The following LHX2 variants were observed in gnomAD, a reference collection of about 807,000 sequenced individuals.
LHX2 encodes LIM/homeobox protein Lhx2.
Under a neutral mutation model 33.0 loss-of-function variants are expected in LHX2, and 6 were observed. That is an observed-to-expected ratio of 0.18 (90% CI 0.10 to 0.36). The LOEUF (loss-of-function observed/expected upper bound fraction) is 0.36, where lower values mean the gene tolerates loss of function less well. Ranked by LOEUF, LHX2 falls within the 10% of genes least tolerant of loss-of-function variation. The pLI is 1.00. For synonymous variants in LHX2, 292 were observed against 253.1 expected, an observed-to-expected ratio of 1.15 and a Z score of -1.46; for missense variants, 442 against 586.2, an observed-to-expected ratio of 0.75 and a Z score of 2.54.
chr9:124,018,253 G>A (rs1312989104), intron 3 of LHX2, among the ~76,000 whole-genome samples: 2 of 147,378 alleles, frequency 1.4e-5, no homozygotes, highest in African/African-American at 5.0e-5. Context: ...TAGCTCCATT[G>A]AATCGGCCTA....
rs1016696763 is a variant in LHX2, at chr9:124,012,818, G to T, written c.120+350G>T. On this transcript the variant is annotated intron_variant, in intron 1 of 4. Transcript: ENST00000373615. This position sits in a 1 kb window ranked among gnomAD's most constrained non-coding sequence, Gnocchi z 4.3. ...TCTCCTCCACCTCTCGGCTCCGGTTGCTGGCGGCGCCGCGAGCGGCGCCAG... is the reference window on the plus strand; with the variant it reads ...TCTCCTCCACCTCTCGGCTCCGGTTTCTGGCGGCGCCGCGAGCGGCGCCAG... Among the ~76,000 whole-genome samples, 3 of 152,206 alleles carry T rather than the reference G, an allele frequency of 2.0e-5. No individual in the cohort carries two copies. The highest frequency in any genetic ancestry group is 4.4e-5 in the Non-Finnish European group (3 of 68,018).
chr9:124,013,175 C>A (rs1435279370), intron 1 of LHX2, among the ~76,000 whole-genome samples: 1 of 152,236 alleles, frequency 6.6e-6, no homozygotes, highest in Non-Finnish European at 1.5e-5. Context: ...GACCAGCGGG[C>A]CCAGAAGTGA....
At chr9:124,020,957 G>A in intron 3 of LHX2, 142 bp from the exon 4 acceptor site, 1 of 712,614 alleles carries the variant, frequency 1.4e-6, no homozygotes, top group Non-Finnish European at 2.4e-6. Context: ...TATAAAATGG[G>A]GATGATGTCC....
rs905515618 is a variant in LHX2, at chr9:124,014,487, C to T, written c.323+324C>T. Among the ~76,000 whole-genome samples, 3 of 152,038 alleles carry T rather than the reference C, an allele frequency of 2.0e-5. No individual in the cohort carries two copies. Among genetic ancestry groups the T allele is most frequent in the African/African-American group, 7.3e-5 (3 of 41,366 alleles). On this transcript the variant is annotated intron_variant, in intron 2 of 4. Coordinates refer to ENST00000373615, the MANE Select transcript of LHX2 (RefSeq NM_004789.4). The surrounding 1 kb of genome is among the most constrained non-coding windows in gnomAD (Gnocchi z 4.8). ...TCTCTTTGAAGTTTCTTGAGTTAAT[C>T]CGAGGTTATAGAAACAGGCACCCCC...
In LHX2 at chr9:124,012,192, C is replaced by G. The variant is rs1460874506; in HGVS notation, c.-157C>G. On this transcript the variant is annotated 5_prime_UTR_variant, in exon 1 of 5. Transcript: ENST00000373615. This position sits in a 1 kb window ranked among gnomAD's most constrained non-coding sequence, Gnocchi z 4.3. ...TCCTGCCCCGCGAGCGCCCGGGGCCCGGAGCCCGGCCTGGGGGCTCAGCCG... is the reference window on the plus strand; with the variant it reads ...TCCTGCCCCGCGAGCGCCCGGGGCCGGGAGCCCGGCCTGGGGGCTCAGCCG... The G allele has an allele frequency of 1.5e-6, 1 of 666,538 alleles. No homozygotes were observed. The highest frequency in any genetic ancestry group is 1.9e-5 in the African/African-American group (1 of 51,908). The allele number at this position is 666,538 out of a possible 1,614,324, so 41.3% of individuals were successfully genotyped here. A position where few individuals can be genotyped will look rare whatever the true frequency, so the allele number is the denominator to read the frequency against.
At chr9:124,017,324 G>C (rs1859208999) in intron 3 of LHX2, among the ~76,000 whole-genome samples, 1 of 152,210 alleles carries the variant, frequency 6.6e-6, no homozygotes. Flanking sequence ...AACGGCGTTC[G>C]GTGCGCCGGC....
intron 4 of LHX2, among the ~76,000 whole-genome samples, chr9:124,025,816 C>A (rs981145369): frequency 6.6e-6 from 1 of 152,012 alleles, no homozygotes; most frequent in African/African-American, 2.4e-5. Context: ...AAAACCCGTT[C>A]CCTACTAAAA....
chr9:124,015,072 G>C lies in LHX2; in HGVS notation c.324-50G>C, dbSNP rs1443724141. The C allele has an allele frequency of 6.3e-7, 1 of 1,593,166 alleles. No individual in the cohort carries two copies. The highest frequency in any genetic ancestry group is 2.2e-5 in the East Asian group (1 of 44,720). On this transcript the variant is annotated intron_variant, in intron 2 of 4. Coordinates refer to ENST00000373615, the MANE Select transcript of LHX2 (RefSeq NM_004789.4). This position sits in a 1 kb window ranked among gnomAD's most constrained non-coding sequence, Gnocchi z 7.9. ...AGCGGCACCTGGAGGAGGAAAAGGG[G>C]GGTACCCAACCGTGTGTTCCCACAG...
chr9:124,032,946 C>T lies in LHX2; in HGVS notation c.*239C>T, dbSNP rs980024422. The stretch of plus-strand genomic sequence containing the variant: ...TTGTGTCACTGTACAGTTTTGTGGA[C>T]TGAGCGAGGAAAAACAACAAATAAT... On this transcript the variant is annotated 3_prime_UTR_variant, in exon 5 of 5. Coordinates refer to ENST00000373615, the MANE Select transcript of LHX2 (RefSeq NM_004789.4). The surrounding 1 kb of genome is among the most constrained non-coding windows in gnomAD (Gnocchi z 4.1). 2.5e-6 allele frequency: 1 copy of T among 407,456 alleles called. No homozygotes were observed. The highest frequency in any genetic ancestry group is 2.1e-5 in the African/African-American group (1 of 48,778). The allele number at this position is 407,456 out of a possible 1,614,324, so 25.2% of individuals were successfully genotyped here. A position where few individuals can be genotyped will look rare whatever the true frequency, so the allele number is the denominator to read the frequency against.
intron 4 of LHX2, among the ~76,000 whole-genome samples, chr9:124,029,895 C>T (rs570458719): frequency 6.6e-6 from 1 of 152,310 alleles, no homozygotes; most frequent in East Asian, 1.9e-4. Flanking sequence ...TGGGGGCTTC[C>T]CCATCCATTT....
At chr9:124,013,522 CA>C (rs1419572044) in intron 1 of LHX2, among the ~76,000 whole-genome samples, 2 of 152,202 alleles carry the variant, frequency 1.3e-5, no homozygotes, top group Admixed American at 6.5e-5. Context: ...GCTGTCTCTC[CA>C]AAGAGGATTC....
intron 3 of LHX2, among the ~76,000 whole-genome samples, chr9:124,017,889 C>A (rs1006286645): frequency 2.0e-5 from 3 of 151,934 alleles, no homozygotes; most frequent in African/African-American, 7.2e-5. Flanking sequence ...CTCCCCCTAC[C>A]CCGGGAGGGG....
intron 4 of LHX2, among the ~76,000 whole-genome samples, chr9:124,027,962 G>A (rs545619491): frequency 7.9e-5 from 12 of 152,080 alleles, no homozygotes; most frequent in Admixed American, 4.6e-4. Context: ...CTGTGGCATC[G>A]TGGAGTGGCT....
At chr9:124,030,627 C>CTTTTTTTTTTTTTTT (rs35399092) in intron 4 of LHX2, among the ~76,000 whole-genome samples, 2 of 105,600 alleles carry the variant, frequency 1.9e-5, no homozygotes, top group African/African-American at 8.0e-5. Flanking sequence ...TTTTTCTTTT[C>CTTTTTTTTTTTTTTT]TTTTTTTTTT....
At chr9:124,019,453 CCGGCAATATTTGCA>C (rs755369614) in intron 3 of LHX2, among the ~76,000 whole-genome samples, 36 of 152,140 alleles carry the variant, frequency 2.4e-4, no homozygotes, top group South Asian at 1.7e-3. Context: ...GTAAGTGTCC[CCGGCAATATTTGCA>C]TTTTGGAAAA....
At chr9:124,020,763 C>T (rs1434412270) in intron 3 of LHX2, among the ~76,000 whole-genome samples, 1 of 152,190 alleles carries the variant, frequency 6.6e-6, no homozygotes, top group East Asian at 1.9e-4. Flanking sequence ...ACCTGGAGTT[C>T]AATCGGCCAT....
At chr9:124,029,565 A>G (rs987215654) in intron 4 of LHX2, among the ~76,000 whole-genome samples, 1 of 152,170 alleles carries the variant, frequency 6.6e-6, no homozygotes, top group African/African-American at 2.4e-5. Context: ...CGATGGTGTC[A>G]TTGTTTACAA....
Position 124,023,880 on chromosome 9 carries a change from T to C in LHX2, c.933+2576T>C, listed in dbSNP as rs546419832. 2.5e-3 allele frequency among the ~76,000 whole-genome samples: 386 copies of C among 152,278 alleles called. 1 individual carries two copies. The highest frequency in any genetic ancestry group is 8.3e-3 in the South Asian group (40 of 4,816). On this transcript the variant is annotated intron_variant, in intron 4 of 4. Transcript: ENST00000373615. Reference sequence around the variant, plus strand: ...TACAGTTTCCTCATGGTGTGATCCGTTGGGGCACCTACTGAGGGAGCCCAG... The same window carrying C: ...TACAGTTTCCTCATGGTGTGATCCGCTGGGGCACCTACTGAGGGAGCCCAG...
chr9:124,012,249 T>C lies in LHX2; in HGVS notation c.-100T>C. 5.0e-6 allele frequency: 6 copies of C among 1,195,310 alleles called. No individual in the cohort carries two copies. Among genetic ancestry groups the C allele is most frequent in the Non-Finnish European group, 6.4e-6 (6 of 943,756 alleles). The allele number at this position is 1,195,310 out of a possible 1,614,324, so 74.0% of individuals were successfully genotyped here. A position where few individuals can be genotyped will look rare whatever the true frequency, so the allele number is the denominator to read the frequency against. On this transcript the variant is annotated 5_prime_UTR_variant, in exon 1 of 5. It removes an upstream start codon present in the reference 5' UTR. Coordinates refer to ENST00000373615, the MANE Select transcript of LHX2 (RefSeq NM_004789.4). This position sits in a 1 kb window ranked among gnomAD's most constrained non-coding sequence, Gnocchi z 4.3. ...GGCGGGGCCGGGGCCGCGGTGGCGA[T>C]GCACCGGGCCCGTTAGCGCCAGGAG...
Sources: allele counts gnomAD v4.1 joint callset (sites outside exome capture counted in the v4.1 genomes callset), GRCh38; gene constraint gnomAD v4.1.1; non-coding constraint Gnocchi (gnomAD v3.1); transcripts MANE v1.5; gene names NCBI Gene and HGNC (gene_info 2026-07-23, HGNC 2026-07-21).